GAS7: variants seen among roughly 807,000 people sequenced by gnomAD.
GAS7 encodes growth arrest specific 7.
GAS7 carries 28 observed loss-of-function variants against 71.1 expected under a neutral mutation model. That is an observed-to-expected ratio of 0.39 (90% CI 0.29 to 0.54). The LOEUF (loss-of-function observed/expected upper bound fraction) is 0.54, where lower values mean the gene tolerates loss of function less well. GAS7 is among the 20% of genes least tolerant of loss of function. The probability of loss-of-function intolerance (pLI) is 0.62; values close to 1 mark genes in which losing one functional copy is unlikely to be tolerated. For synonymous variants in GAS7, 258 were observed against 245.8 expected, an observed-to-expected ratio of 1.05 and a Z score of -0.46; for missense variants, 436 against 627.8, an observed-to-expected ratio of 0.69 and a Z score of 3.27.
chr17:10,060,292 G>T (rs2073205642), intron 1 of GAS7, among the ~76,000 whole-genome samples: 1 of 152,224 alleles, frequency 6.6e-6, no homozygotes, highest in African/African-American at 2.4e-5. Flanking sequence ...CACTGGGCAG[G>T]CTTCTGTACC....
intron 1 of GAS7, among the ~76,000 whole-genome samples, chr17:10,059,028 T>C (rs1377590501): frequency 3.9e-5 from 6 of 152,218 alleles, no homozygotes; most frequent in Admixed American, 3.9e-4. Flanking sequence ...CCCCTTTCAC[T>C]GTTGTGTACA....
In GAS7 at chr17:9,926,936, T is replaced by A; in HGVS notation, c.886-167A>T. The A allele has an allele frequency of 1.5e-6, 1 of 668,538 alleles. No individual in the cohort carries two copies. The highest frequency in any genetic ancestry group is 2.6e-6 in the Non-Finnish European group (1 of 378,632). The allele number at this position is 668,538 out of a possible 1,614,324, so 41.4% of individuals were successfully genotyped here. ...AGACACCCCCTGACACGTGGCTGCC[T>A]ATCAGGTCTCAGCTTAGGCAGGTCA... On this transcript the variant is annotated intron_variant, in intron 9 of 13. Coordinates refer to ENST00000432992, the MANE Select transcript of GAS7 (RefSeq NM_201433.2). The surrounding 1 kb of genome is among the most constrained non-coding windows in gnomAD (Gnocchi z 5.0).
chr17:10,088,111 C>T (rs1304327884), intron 1 of GAS7, among the ~76,000 whole-genome samples: 2 of 151,920 alleles, frequency 1.3e-5, no homozygotes, highest in Non-Finnish European at 2.9e-5. Context: ...ATCCCAGCTA[C>T]TCGGGAGGCT....
At chr17:9,953,201 G>A (rs2069091794) in intron 5 of GAS7, among the ~76,000 whole-genome samples, 1 of 152,008 alleles carries the variant, frequency 6.6e-6, no homozygotes, top group Non-Finnish European at 1.5e-5. Context: ...GCAGGGACAT[G>A]GATGGAGCTG....
chr17:9,970,792 G>A (rs1258348668), intron 3 of GAS7, among the ~76,000 whole-genome samples: 2 of 152,138 alleles, frequency 1.3e-5, no homozygotes, highest in East Asian at 3.9e-4. Context: ...TGTAGTATCT[G>A]TCGATTTCTG....
intron 8 of GAS7, 39 bp downstream of exon 8, chr17:9,940,087 C>T (rs906316145): frequency 1.2e-5 from 13 of 1,114,380 alleles, no homozygotes; most frequent in Non-Finnish European, 1.5e-5. Flanking sequence ...TCAGTGACCC[C>T]CCATCCTCCC....
chr17:10,198,429 C>T lies in GAS7; in HGVS notation c.-39G>A, dbSNP rs1410331993. 3 of 1,447,388 alleles carry T rather than the reference C, an allele frequency of 2.1e-6. No homozygotes were observed. The highest frequency in any genetic ancestry group is 2.7e-6 in the Non-Finnish European group (3 of 1,100,948). 89.7% of individuals were successfully genotyped at this position (1,447,388 alleles called of 1,614,324 possible). ...GGGTTCACAGCGCAGCCTGCATTCC[C>T]GCCGAGCCCCACGGGCTGGGCAGCG... is the stretch of plus-strand genomic sequence containing the variant. On this transcript the variant is annotated 5_prime_UTR_variant, in exon 1 of 14. Coordinates refer to ENST00000432992, the MANE Select transcript of GAS7 (RefSeq NM_201433.2).
intron 1 of GAS7, among the ~76,000 whole-genome samples, chr17:10,075,969 G>A (rs1475806871): frequency 2.0e-5 from 3 of 151,308 alleles, no homozygotes; most frequent in African/African-American, 7.3e-5. Flanking sequence ...AGGCGTGGTG[G>A]CACATGCCTG....
intron 5 of GAS7, among the ~76,000 whole-genome samples, chr17:9,949,869 C>T (rs1452280789): frequency 3.4e-5 from 5 of 147,492 alleles, no homozygotes; most frequent in African/African-American, 1.2e-4. Context: ...CTCCCTCCCT[C>T]CCTTTCTTTT....
intron 1 of GAS7, among the ~76,000 whole-genome samples, chr17:10,062,154 A>T (rs2073226958): frequency 6.6e-6 from 1 of 152,208 alleles, no homozygotes; most frequent in African/African-American, 2.4e-5. Flanking sequence ...TCTGACCTAC[A>T]TGAAGGAGGA....
rs1597435261 is a variant in GAS7, at chr17:9,917,220, A to G, written c.*8T>C. On this transcript the variant is annotated 3_prime_UTR_variant, in exon 14 of 14. Coordinates refer to ENST00000432992, the MANE Select transcript of GAS7 (RefSeq NM_201433.2). The stretch of plus-strand genomic sequence containing the variant: ...CCAGCAGGACCCCCCGAAGCTGCAC[A>G]GGCCCATCTAGATCTCCATGTCCAC... 1.4e-6 allele frequency: 2 copies of G among 1,402,290 alleles called. No individual in the cohort carries two copies. Among genetic ancestry groups the G allele is most frequent in the Non-Finnish European group, 2.0e-6 (2 of 986,752 alleles). 86.9% of individuals were successfully genotyped at this position (1,402,290 alleles called of 1,614,324 possible).
chr17:9,996,566 T>TA lies in GAS7; in HGVS notation c.305-14683dup, dbSNP rs59454754. ...GTACCCTAAAACTTAAAGTATAATT[T>TA]AAAAAAAAAAAAAAGACTATATATA... is the stretch of plus-strand genomic sequence containing the variant. On this transcript the variant is annotated intron_variant, in intron 2 of 13. Coordinates refer to ENST00000432992, the MANE Select transcript of GAS7 (RefSeq NM_201433.2). 2.5e-3 allele frequency among the ~76,000 whole-genome samples: 355 copies of TA among 139,360 alleles called. 1 individual carries two copies. Among genetic ancestry groups the TA allele is most frequent in the Middle Eastern group, 0.015 (4 of 270 alleles). The allele number at this position is 139,360 out of a possible 152,430, so 91.4% of individuals were successfully genotyped here.
rs981757705 is a variant in GAS7 at position 9,969,798 on chromosome 17, G to A, written c.386-36C>T. On this transcript the variant is annotated intron_variant, in intron 3 of 13. Transcript: ENST00000432992. The surrounding 1 kb of genome is among the most constrained non-coding windows in gnomAD (Gnocchi z 5.5). ...AGAGACACGGCTCAGATGCTGTGTG[G>A]GCCACAGATGGGCACCCCCGCCTTT... 22 of 1,337,032 alleles carry A rather than the reference G, an allele frequency of 1.6e-5. No individual in the cohort carries two copies. Among genetic ancestry groups the A allele is most frequent in the South Asian group, 3.5e-5 (3 of 85,240 alleles). 82.8% of individuals were successfully genotyped at this position (1,337,032 alleles called of 1,614,324 possible). A position where few individuals can be genotyped will look rare whatever the true frequency, so the allele number is the denominator to read the frequency against.
chr17:10,142,104 TGTA>T (rs1405190652), intron 1 of GAS7, among the ~76,000 whole-genome samples: 1 of 151,624 alleles, frequency 6.6e-6, no homozygotes, highest in East Asian at 2.0e-4. Flanking sequence ...GGCAGGTGCC[TGTA>T]GTCCCAGCTG....
chr17:10,196,324 G>A (rs1409286724), intron 1 of GAS7, among the ~76,000 whole-genome samples: 1 of 152,154 alleles, frequency 6.6e-6, no homozygotes, highest in East Asian at 1.9e-4. Flanking sequence ...CTATAAAATG[G>A]GGGAAGTACC....
At chr17:10,035,236 C>T (rs1372534221) in intron 1 of GAS7, among the ~76,000 whole-genome samples, 2 of 152,092 alleles carry the variant, frequency 1.3e-5, no homozygotes, top group African/African-American at 4.8e-5. Flanking sequence ...CAGTCAGACC[C>T]AAGGCAGCCA....
chr17:9,951,772 A>C (rs1221512901), intron 5 of GAS7, among the ~76,000 whole-genome samples: 1 of 150,554 alleles, frequency 6.6e-6, no homozygotes, highest in Admixed American at 6.6e-5. Context: ...AAAAAAAAAA[A>C]AAAAAAAAAA....
intron 1 of GAS7, 128 bp downstream of exon 1, chr17:10,198,080 G>A: frequency 4.7e-6 from 4 of 842,228 alleles, no homozygotes; most frequent in South Asian, 1.7e-5. Flanking sequence ...AGGTAGCGCC[G>A]GCAAGGGCTG....
intron 1 of GAS7, among the ~76,000 whole-genome samples, chr17:10,158,875 T>C (rs1250322536): frequency 1.3e-5 from 2 of 151,164 alleles, no homozygotes; most frequent in Non-Finnish European, 2.9e-5. Context: ...GGCAACATGG[T>C]GAAACCTCAT....
Sources: allele counts gnomAD v4.1 joint callset (sites outside exome capture counted in the v4.1 genomes callset), GRCh38; gene constraint gnomAD v4.1.1; non-coding constraint Gnocchi (gnomAD v3.1); transcripts MANE v1.5; gene names NCBI Gene and HGNC (gene_info 2026-07-23, HGNC 2026-07-21).